The following GALNT8 variants were observed in gnomAD, a reference collection of about 807,000 sequenced individuals.
GALNT8 encodes probable polypeptide N-acetylgalactosaminyltransferase 8.
A neutral mutation model predicts 62.7 loss-of-function variants in GALNT8; 66 were observed. The observed-to-expected ratio is 1.05, with a 90% CI of 0.86 to 1.29. The LOEUF (loss-of-function observed/expected upper bound fraction) is 1.29. GALNT8 is among the 50% of genes most tolerant of loss of function. The probability of loss-of-function intolerance (pLI) is 0.00; values close to 1 mark genes in which losing one functional copy is unlikely to be tolerated. For missense variants in GALNT8, 771 were observed against 791.8 expected (o/e 0.97, Z 0.32); for synonymous variants, 288 against 294.3 (o/e 0.98, Z 0.22).
chr12:4,756,089 G>C (rs1005999742), intron 6 of GALNT8, among the ~76,000 whole-genome samples: 1 of 152,184 alleles, frequency 6.6e-6, no homozygotes, highest in Non-Finnish European at 1.5e-5. Flanking sequence ...AAGAATTAGG[G>C]CCAATAAATT....
intron 2 of GALNT8, 38 bp from the exon 3 acceptor site, chr12:4,739,125 A>G: frequency 8.0e-7 from 1 of 1,244,772 alleles, no homozygotes; most frequent in Non-Finnish European, 1.1e-6. Context: ...TGAAGTAATT[A>G]AAAAAAAATA....
At position 4,765,352 on chromosome 12, in the gene GALNT8, CTTTTTTTTTTTTT is replaced by C; in HGVS notation, c.1594-15_1594-3del. The C allele has an allele frequency of 3.0e-6, 3 of 1,014,390 alleles. No homozygotes were observed. Among genetic ancestry groups the C allele is most frequent in the Non-Finnish European group, 3.9e-6 (3 of 771,302 alleles). The allele number at this position is 1,014,390 out of a possible 1,614,324, so 62.8% of individuals were successfully genotyped here. A position where few individuals can be genotyped will look rare whatever the true frequency, so the allele number is the denominator to read the frequency against. On this transcript the variant is annotated splice_polypyrimidine_tract_variant and intron_variant, in intron 9 of 10. Transcript: ENST00000252318. Reference sequence around the variant, plus strand: ...GACAATGCCTATGGTGAGCCCTCTGCTTTTTTTTTTTTTTTTTTTTTTTTAGAATGTCTACTAT... The same window carrying C: ...GACAATGCCTATGGTGAGCCCTCTGCTTTTTTTTTTTAGAATGTCTACTAT...
intron 10 of GALNT8, among the ~76,000 whole-genome samples, chr12:4,771,449 C>CAGTTTGTG (rs1359240067): frequency 6.6e-6 from 1 of 151,860 alleles, no homozygotes; most frequent in Non-Finnish European, 1.5e-5. Context: ...CTGTTAGAGG[C>CAGTTTGTG]AGTTTGTGAT....
chr12:4,754,418 C>A (rs1217477225), intron 6 of GALNT8, among the ~76,000 whole-genome samples: 1 of 152,158 alleles, frequency 6.6e-6, no homozygotes, highest in African/African-American at 2.4e-5. Flanking sequence ...GGCACTCAAA[C>A]CACAAGACAC....
Position 4,745,503 on chromosome 12 carries a change from T to C in GALNT8, c.935T>C (p.Phe312Ser), listed in dbSNP as rs34829532. 2,633 of 1,613,038 alleles carry C rather than the reference T, an allele frequency of 1.6e-3. 43 individuals are homozygous for C. In the African/African-American group the frequency reaches 0.031, roughly 19 times the overall value. Residue 312 changes from phenylalanine (F) to serine (S), a missense_variant, in exon 5 of 11, where the codon TTT becomes TCT. Physicochemically the swap from Phe to Ser is radical, Grantham distance 155 (BLOSUM62 -2). Coordinates refer to ENST00000252318, the MANE Select transcript of GALNT8 (RefSeq NM_017417.2). ...TCTCCTGTGTTTGACAACATTCGTTTTGACACCTTCAAACTGGATAAGTAT... is the reference window on the plus strand; with the variant it reads ...TCTCCTGTGTTTGACAACATTCGTTCTGACACCTTCAAACTGGATAAGTAT... ...IVSPVFDNIR[F>S]DTFKLDKYEL...
rs559502383 is a variant in GALNT8, at chr12:4,760,744, G to T, written c.1174-214G>T. On this transcript the variant is annotated intron_variant, in intron 6 of 10. Transcript: ENST00000252318. ...ACTTCCTGAAAGAAGTATGATTCAG[G>T]AGTTGTTTGAATGACAGAAGAGAAG... 1.6e-3 allele frequency among the ~76,000 whole-genome samples: 249 copies of T among 152,284 alleles called. 2 individuals carry two copies. Among genetic ancestry groups the T allele is most frequent in the African/African-American group, 5.4e-3 (223 of 41,562 alleles).
intron 10 of GALNT8, chr12:4,768,444 T>C: frequency 2.7e-6 from 1 of 375,734 alleles, no homozygotes; most frequent in South Asian, 2.1e-5. Flanking sequence ...GATAACAGCC[T>C]ACCATTACTA....
At chr12:4,765,215 G>T (rs567830358) in intron 9 of GALNT8, among the ~76,000 whole-genome samples, 164 bp from the exon 10 acceptor site, 17 of 152,240 alleles carry the variant, frequency 1.1e-4, no homozygotes, top group African/African-American at 3.6e-4. Context: ...GAAGGAAGCA[G>T]AGGTTGCTTC....
chr12:4,751,656 G>A (rs953491094), intron 6 of GALNT8, among the ~76,000 whole-genome samples: 23 of 152,078 alleles, frequency 1.5e-4, no homozygotes, highest in African/African-American at 5.6e-4. Flanking sequence ...AATGTTTTAA[G>A]ACTTGTTTGT....
intron 6 of GALNT8, among the ~76,000 whole-genome samples, chr12:4,747,535 T>C (rs949846904): frequency 1.3e-4 from 20 of 152,236 alleles, no homozygotes; most frequent in Admixed American, 1.3e-3. Flanking sequence ...ATCTATGTTG[T>C]TGCAAGTGAC....
At chr12:4,723,549 A>G (rs1353234862) in intron 1 of GALNT8, among the ~76,000 whole-genome samples, 2 of 152,138 alleles carry the variant, frequency 1.3e-5, no homozygotes, top group Admixed American at 6.5e-5. Context: ...TATTCTTTCC[A>G]TCAGCTAGGA....
chr12:4,763,185 A>G (rs1946380387), intron 7 of GALNT8, 68 bp from the exon 8 acceptor site: 1 of 1,332,820 alleles, frequency 7.5e-7, no homozygotes, highest in Non-Finnish European at 1.1e-6. Flanking sequence ...TTCTCAGGCC[A>G]TATTTAGTTC....
intron 6 of GALNT8, among the ~76,000 whole-genome samples, chr12:4,755,221 C>T (rs1008653152): frequency 6.6e-6 from 1 of 152,250 alleles, no homozygotes; most frequent in South Asian, 2.1e-4. Flanking sequence ...TACTTAGAGA[C>T]TCAAAGCACT....
intron 1 of GALNT8, among the ~76,000 whole-genome samples, chr12:4,724,490 G>A (rs1227199803): frequency 6.6e-6 from 1 of 152,208 alleles, no homozygotes; most frequent in Non-Finnish European, 1.5e-5. Flanking sequence ...ATGAGTGAAA[G>A]AGAAAATCAG....
At chr12:4,757,408 A>G (rs1565388315) in intron 6 of GALNT8, among the ~76,000 whole-genome samples, 2 of 152,244 alleles carry the variant, frequency 1.3e-5, no homozygotes, top group Non-Finnish European at 2.9e-5. Flanking sequence ...AAAATAACAG[A>G]AGCTTCAACA....
chr12:4,768,060 C>G (rs1383710310), intron 10 of GALNT8, among the ~76,000 whole-genome samples: 1 of 152,078 alleles, frequency 6.6e-6, no homozygotes, highest in African/African-American at 2.4e-5. Context: ...TGTTAAATTT[C>G]CTTTCTTAAG....
rs1238114256 is a variant in GALNT8, at chr12:4,769,990, G to A, written c.1762-2455G>A. On this transcript the variant is annotated intron_variant, in intron 10 of 10. Coordinates refer to ENST00000252318, the MANE Select transcript of GALNT8 (RefSeq NM_017417.2). The stretch of plus-strand genomic sequence containing the variant: ...GAAATCCTTTTAAAAACTCTGACAC[G>A]CAGCACCCCAAAATAAAAACCAAAA... Among the ~76,000 whole-genome samples, 5 of 152,092 alleles carry A rather than the reference G, an allele frequency of 3.3e-5. No homozygotes were observed. In the East Asian group the frequency reaches 7.7e-4, roughly 23 times the overall value.
chr12:4,742,212 T>C (rs762869360), intron 3 of GALNT8, among the ~76,000 whole-genome samples: 4 of 152,234 alleles, frequency 2.6e-5, no homozygotes, highest in Non-Finnish European at 5.9e-5. Context: ...CTCAGTGTTA[T>C]TTGTAGTACT....
chr12:4,765,352 C>CTTT (rs35971936), intron 9 of GALNT8, 27 bp from the exon 10 acceptor site: 329 of 1,014,260 alleles, frequency 3.2e-4, no homozygotes, highest in South Asian at 1.2e-3. Context: ...GAGCCCTCTG[C>CTTT]TTTTTTTTTT....
Sources: gnomAD v4.1 joint callset for allele counts (sites outside exome capture counted in the v4.1 genomes callset) on GRCh38, gnomAD v4.1.1 for gene constraint, MANE v1.5 for transcripts, NCBI Gene and HGNC (gene_info 2026-07-23, HGNC 2026-07-21) for gene names.